Variants in NAV3 observed in about 807,000 individuals in gnomAD.
NAV3 encodes pore membrane and/or filament interacting like protein 1.
NAV3 carries 87 observed loss-of-function variants against 244.7 expected under a neutral mutation model. That is an observed-to-expected ratio of 0.36 (90% CI 0.30 to 0.42). The LOEUF (loss-of-function observed/expected upper bound fraction) is 0.42. NAV3 is among the 20% of genes least tolerant of loss of function. NAV3 has a pLI of 1.00. For missense variants in NAV3, 2,663 were observed against 2,893.3 expected, an observed-to-expected ratio of 0.92 and a Z score of 1.83; for synonymous variants, 1,126 against 1,042.2, an observed-to-expected ratio of 1.08 and a Z score of -1.55.
At position 77,832,405 on chromosome 12, in the gene NAV3, G is replaced by A. The variant is rs185969839; in HGVS notation, c.243+701G>A. Among the ~76,000 whole-genome samples the A allele has an allele frequency of 1.7e-3, 261 of 152,264 alleles. 1 individual carries two copies. Among genetic ancestry groups the A allele is most frequent in the Admixed American group, 3.1e-3 (48 of 15,296 alleles). ...CGCATGCTAGAATGGCACTGAAGCT[G>A]CTGAACTTCATGCGGATTCATTTGT... is the stretch of plus-strand genomic sequence containing the variant. On this transcript the variant is annotated intron_variant, in intron 1 of 39. Coordinates refer to ENST00000397909, the MANE Select transcript of NAV3 (RefSeq NM_001024383.2).
Position 77,797,458 on chromosome 12 carries a change from G to A in NAV3, c.73-142861G>A, listed in dbSNP as rs537425240. On this transcript the variant is annotated intron_variant, in intron 2 of 8. Coordinates refer to the NAV3 transcript ENST00000550042. ...TTTTATTATATATTTTGGGCAAATTGGTAAACACATTAGTTTCCTTATTTA... is the reference window on the plus strand; with the variant it reads ...TTTTATTATATATTTTGGGCAAATTAGTAAACACATTAGTTTCCTTATTTA... Among the ~76,000 whole-genome samples the A allele has an allele frequency of 3.2e-3, 485 of 149,714 alleles. 1 individual carries two copies. The highest frequency in any genetic ancestry group is 0.012 in the African/African-American group (469 of 40,768).
Position 77,831,169 on chromosome 12 carries a change from C to CAGAG in NAV3, c.-271_-268dup, listed in dbSNP as rs71088341. 59 of 143,936 alleles carry CAGAG rather than the reference C, an allele frequency of 4.1e-4. No homozygotes were observed. Among genetic ancestry groups the CAGAG allele is most frequent in the African/African-American group, 2.2e-3 (50 of 22,746 alleles). The allele number at this position is 143,936 out of a possible 1,614,324, so 8.9% of individuals were successfully genotyped here. ...CACTGAACAGAGAGAGAGAGAGAGA[C>CAGAG]AGAGAGAGAGAGAGAGAGAGAGAGA... On this transcript the variant is annotated 5_prime_UTR_variant, in exon 1 of 40. Transcript: ENST00000397909.
intron 2 of NAV3, among the ~76,000 whole-genome samples, chr12:77,665,156 A>T (rs1369033670): frequency 6.6e-6 from 1 of 152,128 alleles, no homozygotes; most frequent in African/African-American, 2.4e-5. Flanking sequence ...TAGTTTATAA[A>T]CCCCTGGAAC....
intron 1 of NAV3, among the ~76,000 whole-genome samples, chr12:77,853,301 C>T (rs1463717050): frequency 6.6e-6 from 1 of 152,188 alleles, no homozygotes; most frequent in Non-Finnish European, 1.5e-5. Flanking sequence ...TTCAGGTTTT[C>T]TGCTTACTTT....
intron 2 of NAV3, among the ~76,000 whole-genome samples, chr12:77,667,372 A>G (rs1873761780): frequency 6.6e-6 from 1 of 152,172 alleles, no homozygotes; most frequent in South Asian, 2.1e-4. Context: ...CCCTGGTCAC[A>G]GGCTGCCTGG....
At chr12:77,647,474 T>G (rs1036623771) in intron 2 of NAV3, among the ~76,000 whole-genome samples, 49 of 148,140 alleles carry the variant, frequency 3.3e-4, no homozygotes, top group African/African-American at 6.6e-4. Flanking sequence ...TTTGTTTTTG[T>G]TTTTTTTTGC....
intron 1 of NAV3, among the ~76,000 whole-genome samples, chr12:77,886,336 C>A (rs1272301139): frequency 6.6e-6 from 1 of 152,156 alleles, no homozygotes; most frequent in African/African-American, 2.4e-5. Context: ...CTCATTTGAA[C>A]TCCCATACAT....
chr12:77,905,290 A>G (rs1055046308), intron 1 of NAV3, among the ~76,000 whole-genome samples: 15 of 152,250 alleles, frequency 9.9e-5, no homozygotes, highest in African/African-American at 3.6e-4. Context: ...TAAGTGGGAA[A>G]AATGCTTTTT....
chr12:77,981,854 T>C (rs1869627768), intron 5 of NAV3, among the ~76,000 whole-genome samples: 1 of 152,076 alleles, frequency 6.6e-6, no homozygotes, highest in South Asian at 2.1e-4. Context: ...AGGCATGCTT[T>C]TTTCTTTCTT....
intron 1 of NAV3, among the ~76,000 whole-genome samples, chr12:77,881,344 C>A (rs1440634325): frequency 1.3e-5 from 2 of 152,080 alleles, no homozygotes; most frequent in East Asian, 3.9e-4. Context: ...ATAGTGTTTG[C>A]AAATGGCCAG....
At chr12:78,030,627 G>A (rs1268257046) in intron 9 of NAV3, among the ~76,000 whole-genome samples, 3 of 152,056 alleles carry the variant, frequency 2.0e-5, no homozygotes, top group Non-Finnish European at 4.4e-5. Context: ...TTATCACCTG[G>A]CATCTTACAC....
At chr12:78,013,578 G>T (rs1438635569) in intron 8 of NAV3, among the ~76,000 whole-genome samples, 1 of 152,096 alleles carries the variant, frequency 6.6e-6, no homozygotes, top group South Asian at 2.1e-4. Flanking sequence ...TTGGAGCCTG[G>T]TTGTAGTAGA....
At position 78,071,456 on chromosome 12, in the gene NAV3, C is replaced by T. The variant is rs866254057; in HGVS notation, c.2636+12341C>T. Among the ~76,000 whole-genome samples, 977 of 151,600 alleles carry T rather than the reference C, an allele frequency of 6.4e-3. 8 individuals are homozygous for T. The highest frequency in any genetic ancestry group is 0.023 in the African/African-American group (939 of 41,284). On this transcript the variant is annotated intron_variant, in intron 12 of 39. Coordinates refer to ENST00000397909, the MANE Select transcript of NAV3 (RefSeq NM_001024383.2). ...TTCATTGTAGATTCTGGATATTAGC[C>T]CTTTGTCAGATGAGTAGGTTGCGAA...
rs550869682 is a variant in NAV3 at position 77,604,615 on chromosome 12, G to A, written c.72+32349G>A. On this transcript the variant is annotated intron_variant, in intron 2 of 8. Transcript: ENST00000550042. ...GGAAAAAATATTTCTTTAGAATGCA[G>A]TTGAGATACAAATTGGGCACTGAAC... Among the ~76,000 whole-genome samples, 15 of 151,910 alleles carry A rather than the reference G, an allele frequency of 9.9e-5. No individual in the cohort carries two copies. The East Asian group carries it at 1.9e-3, about 20-fold the overall frequency.
intron 2 of NAV3, among the ~76,000 whole-genome samples, chr12:77,613,505 C>T (rs541915000): frequency 1.4e-4 from 22 of 152,230 alleles, no homozygotes; most frequent in Middle Eastern, 3.4e-3. Flanking sequence ...TGTCCTCTGT[C>T]CTTGAAGTCT....
chr12:77,629,858 G>A (rs1231845393), intron 2 of NAV3, among the ~76,000 whole-genome samples: 1 of 152,144 alleles, frequency 6.6e-6, no homozygotes, highest in African/African-American at 2.4e-5. Flanking sequence ...AGGCTTGGGA[G>A]AAGATAGGTT....
chr12:77,991,725 C>T (rs1452651526), intron 5 of NAV3, among the ~76,000 whole-genome samples: 1 of 152,108 alleles, frequency 6.6e-6, no homozygotes, highest in Non-Finnish European at 1.5e-5. Context: ...AGAACAGAAA[C>T]ACAGAAACAT....
At chr12:77,896,438 T>C (rs1317138796) in intron 1 of NAV3, among the ~76,000 whole-genome samples, 1 of 152,116 alleles carries the variant, frequency 6.6e-6, no homozygotes, top group African/African-American at 2.4e-5. Flanking sequence ...AATTGAGAGG[T>C]GGATAAGACC....
intron 9 of NAV3, among the ~76,000 whole-genome samples, chr12:78,045,593 A>G (rs928663209): frequency 6.6e-6 from 1 of 151,958 alleles, no homozygotes; most frequent in Admixed American, 6.6e-5. Context: ...GCACCTGGCC[A>G]GTGGATAAGC....
Sources: gnomAD v4.1 joint callset for allele counts (sites outside exome capture counted in the v4.1 genomes callset) on GRCh38, gnomAD v4.1.1 for gene constraint, MANE v1.5 for transcripts, NCBI Gene and HGNC (gene_info 2026-07-23, HGNC 2026-07-21) for gene names.